Variants in EMSY observed in about 807,000 individuals in gnomAD.
EMSY encodes EMSY transcriptional repressor, BRCA2 interacting, also known as BRCA2-interacting transcriptional repressor EMSY.
EMSY carries 26 observed loss-of-function variants against 134.6 expected under a neutral mutation model. The observed-to-expected ratio is 0.19, with a 90% CI of 0.14 to 0.27. The LOEUF (loss-of-function observed/expected upper bound fraction) is 0.27, where lower values mean the gene tolerates loss of function less well. Among genes scored for constraint, EMSY ranks in the 10% least tolerant of loss-of-function variants. EMSY has a pLI of 1.00. For missense variants in EMSY, 1,305 were observed against 1,611.4 expected (o/e 0.81, Z 3.26); for synonymous variants, 579 against 577.8 (o/e 1.00, Z -0.03).
chr11:76,535,845 A>C, intron 14 of EMSY, 50 bp from the exon 16 acceptor site: 3 of 1,294,818 alleles, frequency 2.3e-6, no homozygotes, highest in Non-Finnish European at 3.0e-6. Context: ...TTTTTTTTTA[A>C]GAGAAACTTT....
chr11:76,505,254 C>T (rs533777754), intron 9 of EMSY, among the ~76,000 whole-genome samples: 47 of 151,926 alleles, frequency 3.1e-4, no homozygotes, highest in East Asian at 7.9e-4. Flanking sequence ...GAGGCCAAGG[C>T]GGGCGGTCTT....
intron 3 of EMSY, 131 bp from the exon 4 acceptor site, chr11:76,453,183 C>T: frequency 3.1e-6 from 2 of 646,572 alleles, no homozygotes. Flanking sequence ...ATATTAGACT[C>T]CTGTCTATAT....
chr11:76,451,048 C>T (rs779961990), intron 2 of EMSY, among the ~76,000 whole-genome samples: 6 of 152,090 alleles, frequency 3.9e-5, no homozygotes, highest in East Asian at 3.9e-4. Flanking sequence ...CTGCCTCCCT[C>T]GGCTTCCCAA....
At chr11:76,548,050 T>A (rs1025641033) in intron 20 of EMSY, among the ~76,000 whole-genome samples, 1 of 152,214 alleles carries the variant, frequency 6.6e-6, no homozygotes, top group Non-Finnish European at 1.5e-5. Context: ...TTTCTTTACC[T>A]ATGAAGTGGA....
chr11:76,529,585 A>G (rs2136395131), intron 14 of EMSY, among the ~76,000 whole-genome samples: 1 of 152,324 alleles, frequency 6.6e-6, no homozygotes, highest in Admixed American at 6.5e-5. Flanking sequence ...TTTAAAAAAT[A>G]CACATGCAAC....
At chr11:76,480,153 G>T (rs747148349) in intron 8 of EMSY, among the ~76,000 whole-genome samples, 3 of 152,194 alleles carry the variant, frequency 2.0e-5, no homozygotes, top group Non-Finnish European at 4.4e-5. Context: ...CACTGTTTTG[G>T]TGTTAATGCC....
chr11:76,479,531 T>C (rs1268060863), intron 8 of EMSY, among the ~76,000 whole-genome samples: 1 of 152,234 alleles, frequency 6.6e-6, no homozygotes, highest in Non-Finnish European at 1.5e-5. Flanking sequence ...GTTTTTTTGC[T>C]TATTTTCTGT....
In EMSY at chr11:76,496,153, C is replaced by T. The variant is rs185214824; in HGVS notation, c.1109-62C>T. 3.2e-4 allele frequency: 479 copies of T among 1,506,872 alleles called. 2 individuals are homozygous for T. The African/African-American group carries it at 5.1e-3, about 16-fold the overall frequency. The allele number at this position is 1,506,872 out of a possible 1,614,324, so 93.3% of individuals were successfully genotyped here. ...TTAAACTATTATCTACTATAATAAC[C>T]AGAAGTAACTTTAATTTTGCTTTCC... On this transcript the variant is annotated intron_variant, in intron 8 of 20. Coordinates refer to ENST00000334736, the Ensembl canonical transcript of EMSY.
chr11:76,445,493 C>T (rs914769158), intron 1 of EMSY, among the ~76,000 whole-genome samples: 4 of 152,112 alleles, frequency 2.6e-5, no homozygotes, highest in African/African-American at 9.7e-5. Flanking sequence ...GACATTGGGA[C>T]CGGCGCCGAG....
At chr11:76,446,580 T>G (rs1947420973) in intron 1 of EMSY, among the ~76,000 whole-genome samples, 2 of 152,150 alleles carry the variant, frequency 1.3e-5, no homozygotes. Flanking sequence ...ATAGTGTTCT[T>G]TAATACGCGT....
intron 16 of EMSY, among the ~76,000 whole-genome samples, chr11:76,538,369 C>T (rs1951304442): frequency 6.6e-6 from 1 of 152,116 alleles, no homozygotes; most frequent in Non-Finnish European, 1.5e-5. Context: ...AGGTGATCCT[C>T]CTGCCTCAGC....
At chr11:76,520,386 C>T (rs981687204) in intron 11 of EMSY, among the ~76,000 whole-genome samples, 2 of 152,026 alleles carry the variant, frequency 1.3e-5, no homozygotes, top group Non-Finnish European at 2.9e-5. Context: ...AAAAGTGGTC[C>T]TTGTACTTTG....
chr11:76,519,381 C>G (rs955727379), intron 11 of EMSY, among the ~76,000 whole-genome samples: 1 of 152,018 alleles, frequency 6.6e-6, no homozygotes, highest in Non-Finnish European at 1.5e-5. Context: ...TATTTTATAG[C>G]GTCAAATATT....
At chr11:76,488,243 G>C (rs1949270413) in intron 8 of EMSY, among the ~76,000 whole-genome samples, 1 of 152,176 alleles carries the variant, frequency 6.6e-6, no homozygotes, top group Non-Finnish European at 1.5e-5. Context: ...AAGAGGGAGG[G>C]TTGTTTGAAG....
In EMSY at chr11:76,485,080, C is replaced by T. The variant is rs113817285; in HGVS notation, c.1109-11135C>T. Among the ~76,000 whole-genome samples, 999 of 152,106 alleles carry T rather than the reference C, an allele frequency of 6.6e-3. 11 individuals are homozygous for T. Among genetic ancestry groups the T allele is most frequent in the African/African-American group, 0.023 (933 of 41,456 alleles). On this transcript the variant is annotated intron_variant, in intron 8 of 20. Coordinates refer to ENST00000334736, the Ensembl canonical transcript of EMSY. Reference sequence around the variant, plus strand: ...TAATAGTCTACCAACAAAAAAAGCCCGGGACCAGATGGATTCACAGCTGAA... The same window carrying T: ...TAATAGTCTACCAACAAAAAAAGCCTGGGACCAGATGGATTCACAGCTGAA...
At chr11:76,550,080 C>T (rs1951793371) in exon 21 of EMSY, 1 of 1,613,876 alleles carries the variant, frequency 6.2e-7, no homozygotes, top group Admixed American at 1.7e-5. Flanking sequence ...TGGAGCAGGA[C>T]ATAGACAGTA....
At chr11:76,492,641 G>A (rs1466244807) in intron 8 of EMSY, among the ~76,000 whole-genome samples, 3 of 152,148 alleles carry the variant, frequency 2.0e-5, no homozygotes, top group Non-Finnish European at 2.9e-5. Flanking sequence ...GGGAGGCATC[G>A]CCAGGGCTGC....
chr11:76,502,246 T>C (rs933535862), intron 9 of EMSY, among the ~76,000 whole-genome samples: 1 of 124,268 alleles, frequency 8.0e-6, no homozygotes, highest in Non-Finnish European at 1.6e-5. Flanking sequence ...TTGACACTTA[T>C]ATTCCATATT....
intron 14 of EMSY, 119 bp downstream of exon 15, chr11:76,528,585 CT>C (rs1202039448): frequency 0.17 from 72,020 of 413,352 alleles, 4 homozygotes; most frequent in Middle Eastern, 0.21. Flanking sequence ...AATTCTTTTC[CT>C]TTTTTTTTTT....
Sources: gnomAD v4.1 joint callset for allele counts (sites outside exome capture counted in the v4.1 genomes callset) on GRCh38, gnomAD v4.1.1 for gene constraint, MANE v1.5 for transcripts, NCBI Gene and HGNC (gene_info 2026-07-23, HGNC 2026-07-21) for gene names.